Variants in CXADR observed in about 807,000 individuals in gnomAD.
CXADR encodes CXADR cell adhesion molecule.
Under a neutral mutation model 40.3 loss-of-function variants are expected in CXADR, and 20 were observed. The observed-to-expected ratio is 0.50, with a 90% CI of 0.35 to 0.72. The LOEUF is 0.72. Ranked by LOEUF, CXADR falls within the 30% of genes least tolerant of loss-of-function variation. The pLI is 0.01. For missense variants in CXADR, 332 were observed against 449.1 expected, an observed-to-expected ratio of 0.74 and a Z score of 2.36; for synonymous variants, 150 against 161.3, an observed-to-expected ratio of 0.93 and a Z score of 0.53.
chr21:17,603,562 G>A, the CXADR span, among the ~76,000 whole-genome samples: 1 of 152,150 alleles, frequency 6.6e-6, no homozygotes, highest in Non-Finnish European at 1.5e-5. Flanking sequence ...GACCACCTTA[G>A]GAGTACATAG....
chr21:17,546,894 A>G (rs1036394422), intron 1 of CXADR, 133 bp from the exon 2 acceptor site: 1 of 959,440 alleles, frequency 1.0e-6, no homozygotes, highest in South Asian at 1.7e-5. Flanking sequence ...TTGAGTTTGG[A>G]CTCCATTCCT....
At chr21:17,594,534 T>C (rs1171447620), downstream of CXADR, among the ~76,000 whole-genome samples, 1 of 152,040 alleles carries the variant, frequency 6.6e-6, no homozygotes, top group African/African-American at 2.4e-5. Flanking sequence ...GTTTTCTGAA[T>C]GCATAAAGAA....
In CXADR at chr21:17,569,611, T is replaced by G. The variant is rs148421513; in HGVS notation, c.*3919T>G. The G allele has an allele frequency of 2.7e-5, 27 of 984,824 alleles. No individual in the cohort carries two copies. In the African/African-American group the frequency reaches 4.5e-4, roughly 17 times the overall value. The allele number at this position is 984,824 out of a possible 1,614,324, so 61.0% of individuals were successfully genotyped here. On this transcript the variant is annotated 3_prime_UTR_variant, in exon 7 of 7. Coordinates refer to ENST00000284878, the MANE Select transcript of CXADR (RefSeq NM_001338.5). ...AATAAACACATTTGTGAATTGTGGT[T>G]CAGTTTATTTATCTTTAGGGAAGGC...
chr21:17,593,122 A>G, intron 7 of CXADR: 1 of 1,388,840 alleles, frequency 7.2e-7, no homozygotes, highest in Non-Finnish European at 9.4e-7. Flanking sequence ...CAAAACTCTT[A>G]TAGAGATATC....
At chr21:17,521,044 G>A (rs934374528) in intron 1 of CXADR, among the ~76,000 whole-genome samples, 2 of 152,122 alleles carry the variant, frequency 1.3e-5, no homozygotes, top group Non-Finnish European at 2.9e-5. Context: ...GCTGTTAGGT[G>A]GCGTCTGTAT....
chr21:17,594,541 A>C (rs2061479346), downstream of CXADR, among the ~76,000 whole-genome samples: 1 of 152,090 alleles, frequency 6.6e-6, no homozygotes, highest in Non-Finnish European at 1.5e-5. Flanking sequence ...GAATGCATAA[A>C]GAAATGAATA....
chr21:17,532,152 C>G (rs1457705100), intron 1 of CXADR, among the ~76,000 whole-genome samples: 2 of 151,936 alleles, frequency 1.3e-5, no homozygotes, highest in African/African-American at 2.4e-5. Flanking sequence ...AGGTTGGTCT[C>G]AAACTCCTGG....
At chr21:17,524,678 T>G (rs1193000068) in intron 1 of CXADR, among the ~76,000 whole-genome samples, 1 of 151,106 alleles carries the variant, frequency 6.6e-6, no homozygotes, top group African/African-American at 2.4e-5. Context: ...GAGAATCACT[T>G]GAGCTCAAGA....
chr21:17,529,813 AG>A (rs1214847401), intron 1 of CXADR, among the ~76,000 whole-genome samples: 3 of 152,336 alleles, frequency 2.0e-5, no homozygotes, highest in African/African-American at 7.2e-5. Flanking sequence ...ATAAACGTAC[AG>A]GGTAGAGCAT....
chr21:17,603,107 A>AACT, the CXADR span, among the ~76,000 whole-genome samples: 33 of 152,200 alleles, frequency 2.2e-4, no homozygotes, highest in Non-Finnish European at 4.7e-4. Flanking sequence ...CAACTAACTT[A>AACT]ACTGTGTGTT....
the CXADR span, among the ~76,000 whole-genome samples, chr21:17,620,271 G>C: frequency 6.6e-6 from 1 of 152,094 alleles, no homozygotes; most frequent in Admixed American, 6.6e-5. Context: ...GCCATTGTAG[G>C]GTTATTAATT....
the CXADR span, among the ~76,000 whole-genome samples, chr21:17,634,185 AG>A: frequency 6.6e-6 from 1 of 152,214 alleles, no homozygotes. Flanking sequence ...TGAACCCAAG[AG>A]TATGATCTTC....
At chr21:17,564,896 G>A (rs1376312766) in intron 6 of CXADR, among the ~76,000 whole-genome samples, 2 of 151,946 alleles carry the variant, frequency 1.3e-5, no homozygotes, top group Non-Finnish European at 2.9e-5. Flanking sequence ...CACCAAGCCC[G>A]GCTAATTTTT....
intron 1 of CXADR, among the ~76,000 whole-genome samples, chr21:17,535,128 T>C (rs1002123347): frequency 1.3e-5 from 2 of 151,936 alleles, no homozygotes; most frequent in African/African-American, 4.8e-5. Context: ...TTTTTGACTA[T>C]TATTGAGTGT....
At chr21:17,564,714 TA>T (rs1218890072) in intron 6 of CXADR, among the ~76,000 whole-genome samples, 4 of 152,080 alleles carry the variant, frequency 2.6e-5, no homozygotes, top group Non-Finnish European at 5.9e-5. Flanking sequence ...TTTCCTTTTT[TA>T]AAAAATTTTA....
chr21:17,595,523 C>T (rs966549236), downstream of CXADR, among the ~76,000 whole-genome samples: 7 of 151,848 alleles, frequency 4.6e-5, no homozygotes, highest in African/African-American at 1.2e-4. Flanking sequence ...TATATGTATA[C>T]TGGATTGTAT....
At chr21:17,551,629 T>C (rs2060969897) in intron 2 of CXADR, 120 bp from the exon 3 acceptor site, 1 of 778,120 alleles carries the variant, frequency 1.3e-6, no homozygotes, top group African/African-American at 1.8e-5. Context: ...ACTGTGTTCT[T>C]CTTTTTCTTT....
chr21:17,630,650 C>CTTTTTTTT, the CXADR span, among the ~76,000 whole-genome samples: 722 of 115,634 alleles, frequency 6.2e-3, no homozygotes, highest in Non-Finnish European at 7.8e-3. Flanking sequence ...CTTCCTTCTT[C>CTTTTTTTT]TTTTTTTTTT....
In CXADR at chr21:17,570,090, A is replaced by C. The variant is rs879900216; in HGVS notation, c.*4398A>C. 2.4e-5 allele frequency: 24 copies of C among 985,342 alleles called. No individual in the cohort carries two copies. Among genetic ancestry groups the C allele is most frequent in the Non-Finnish European group, 2.8e-5 (23 of 829,936 alleles). The allele number at this position is 985,342 out of a possible 1,614,324, so 61.0% of individuals were successfully genotyped here. A position where few individuals can be genotyped will look rare whatever the true frequency, so the allele number is the denominator to read the frequency against. ...CCTTGTGTACTTTTGAAATAAAATCAAGAAAGCAGTTCTCTGCCTCATGGT... is the reference window on the plus strand; with the variant it reads ...CCTTGTGTACTTTTGAAATAAAATCCAGAAAGCAGTTCTCTGCCTCATGGT... On this transcript the variant is annotated 3_prime_UTR_variant, in exon 7 of 7. Transcript: ENST00000284878.
Sources: allele counts gnomAD v4.1 joint callset (sites outside exome capture counted in the v4.1 genomes callset), GRCh38; gene constraint gnomAD v4.1.1; transcripts MANE v1.5; gene names NCBI Gene and HGNC (gene_info 2026-07-23, HGNC 2026-07-21).